Variants in UNC79 observed in about 807,000 individuals in gnomAD.
The protein encoded by UNC79 is protein unc-79 homolog.
UNC79 carries 37 observed loss-of-function variants against 283.1 expected under a neutral mutation model. The observed-to-expected ratio is 0.13, with a 90% CI of 0.10 to 0.17. UNC79 has a LOEUF of 0.17. UNC79 is among the 10% of genes least tolerant of loss of function. The pLI is 1.00. For synonymous variants in UNC79, 1,107 were observed against 1,200.2 expected, an observed-to-expected ratio of 0.92 and a Z score of 1.61; for missense variants, 2,272 against 3,211.1, an observed-to-expected ratio of 0.71 and a Z score of 7.07.
chr14:93,353,464 G>A (rs74072837), intron 1 of UNC79, among the ~76,000 whole-genome samples: 5,004 of 152,262 alleles, frequency 0.033, 285 homozygotes, highest in African/African-American at 0.11. Context: ...GAGTTTGATA[G>A]TTCTTTCTTA....
At chr14:93,645,133 G>A (rs942975193) in intron 34 of UNC79, among the ~76,000 whole-genome samples, 4 of 152,124 alleles carry the variant, frequency 2.6e-5, no homozygotes, top group Non-Finnish European at 5.9e-5. Flanking sequence ...TAGAATTATT[G>A]TTCTGGTCTG....
chr14:93,570,177 G>T (rs1461847815), intron 14 of UNC79, among the ~76,000 whole-genome samples: 1 of 152,072 alleles, frequency 6.6e-6, no homozygotes, highest in Non-Finnish European at 1.5e-5. Context: ...TTGAACTCCT[G>T]GCCTCAGGCG....
intron 30 of UNC79, among the ~76,000 whole-genome samples, chr14:93,626,264 T>C (rs1345396448): frequency 6.6e-6 from 1 of 152,178 alleles, no homozygotes; most frequent in Non-Finnish European, 1.5e-5. Flanking sequence ...CACAGCCTCC[T>C]ATCACCTTAT....
At chr14:93,477,998 T>A (rs538860851) in intron 4 of UNC79, among the ~76,000 whole-genome samples, 1 of 152,218 alleles carries the variant, frequency 6.6e-6, no homozygotes, top group African/African-American at 2.4e-5. Context: ...AGATTTCCTA[T>A]GTATAAGTTA....
At chr14:93,396,110 T>C (rs1022766643) in intron 1 of UNC79, among the ~76,000 whole-genome samples, 1 of 152,158 alleles carries the variant, frequency 6.6e-6, no homozygotes, top group African/African-American at 2.4e-5. Flanking sequence ...CTAGACACTC[T>C]CAATCGACCT....
At chr14:93,486,678 A>G (rs1007917701) in intron 4 of UNC79, among the ~76,000 whole-genome samples, 1 of 151,278 alleles carries the variant, frequency 6.6e-6, no homozygotes, top group Admixed American at 6.6e-5. Flanking sequence ...AAAAAAAAAA[A>G]GAAAGAAAGT....
At chr14:93,575,312 A>G in intron 17 of UNC79, 114 bp downstream of exon 17, 1 of 1,314,018 alleles carries the variant, frequency 7.6e-7, no homozygotes, top group African/African-American at 1.5e-5. Context: ...TTTTCAGCCC[A>G]TCTCGCTGTG....
Position 93,386,927 on chromosome 14 carries a change from C to CTTTTT in UNC79, c.-351+53432_-351+53436dup, listed in dbSNP as rs35267402. Among the ~76,000 whole-genome samples, 27 of 27,192 alleles carry CTTTTT rather than the reference C, an allele frequency of 9.9e-4. 4 individuals are homozygous for CTTTTT. The highest frequency in any genetic ancestry group is 1.3e-3 in the Non-Finnish European group (22 of 16,382). The allele number at this position is 27,192 out of a possible 152,430, so 17.8% of individuals were successfully genotyped here. On this transcript the variant is annotated intron_variant, in intron 1 of 49. Coordinates refer to the UNC79 transcript ENST00000256339. ...TTCATTTCAATTTCATGTATTTCTG[C>CTTTTT]TTTTTTTTTTTTTTTTTTTTTTTTT...
At chr14:93,385,036 T>C (rs1187092763) in intron 1 of UNC79, among the ~76,000 whole-genome samples, 6 of 152,258 alleles carry the variant, frequency 3.9e-5, no homozygotes. Context: ...ATTCCACTGG[T>C]CTACATGTCT....
intron 32 of UNC79, among the ~76,000 whole-genome samples, chr14:93,639,587 T>C (rs541787462): frequency 1.3e-5 from 2 of 152,372 alleles, no homozygotes; most frequent in East Asian, 1.9e-4. Flanking sequence ...ATATAGCTGA[T>C]AAACATAGTA....
chr14:93,475,646 T>C (rs757723251), intron 3 of UNC79, among the ~76,000 whole-genome samples: 5 of 152,190 alleles, frequency 3.3e-5, no homozygotes, highest in Non-Finnish European at 5.9e-5. Context: ...GAGCTTACTA[T>C]GCTGATGAGC....
chr14:93,450,683 A>G (rs537236668), intron 1 of UNC79, among the ~76,000 whole-genome samples: 2 of 152,258 alleles, frequency 1.3e-5, no homozygotes, highest in Non-Finnish European at 2.9e-5. Context: ...TAAGTACTAA[A>G]AAAATTTAAA....
intron 38 of UNC79, 128 bp from the exon 42 acceptor site, chr14:93,659,065 A>T (rs2071259234): frequency 1.6e-6 from 1 of 642,588 alleles, no homozygotes; most frequent in Non-Finnish European, 2.6e-6. Flanking sequence ...ATGGCATGGG[A>T]ATCTGTTGAG....
At chr14:93,661,852 C>A (rs1239276631) in intron 39 of UNC79, among the ~76,000 whole-genome samples, 1 of 152,172 alleles carries the variant, frequency 6.6e-6, no homozygotes, top group Non-Finnish European at 1.5e-5. Context: ...TATTCAAGGT[C>A]ACAGTGAGCT....
intron 7 of UNC79, among the ~76,000 whole-genome samples, chr14:93,512,481 G>A (rs66467466): frequency 6.6e-6 from 1 of 151,826 alleles, no homozygotes; most frequent in Non-Finnish European, 1.5e-5. Flanking sequence ...TATTTATTCT[G>A]CCATTTCTGT....
chr14:93,455,752 T>G (rs935664487), intron 1 of UNC79, among the ~76,000 whole-genome samples: 2 of 152,196 alleles, frequency 1.3e-5, no homozygotes, highest in East Asian at 3.8e-4. Context: ...GAGATAGATA[T>G]GATTACCCCC....
intron 29 of UNC79, among the ~76,000 whole-genome samples, chr14:93,619,540 C>G (rs187023975): frequency 1.2e-3 from 178 of 152,230 alleles, no homozygotes; most frequent in Middle Eastern, 3.4e-3. Flanking sequence ...TTGCGTTTCC[C>G]CAGAAACATG....
intron 7 of UNC79, among the ~76,000 whole-genome samples, chr14:93,520,806 A>T (rs529813320): frequency 6.6e-6 from 1 of 152,102 alleles, no homozygotes; most frequent in South Asian, 2.1e-4. Context: ...GCCTATCTTC[A>T]TGCTTTCCTT....
intron 39 of UNC79, among the ~76,000 whole-genome samples, chr14:93,660,572 T>TGTGTGTGTGA (rs2071483850): frequency 7.8e-6 from 1 of 128,294 alleles, no homozygotes; most frequent in Non-Finnish European, 1.6e-5. Context: ...TATGTGTGTG[T>TGTGTGTGTGA]GTGTGTGTTC....
Sources: allele counts gnomAD v4.1 joint callset (sites outside exome capture counted in the v4.1 genomes callset), GRCh38; gene constraint gnomAD v4.1.1; transcripts MANE v1.5; gene names NCBI Gene and HGNC (gene_info 2026-07-23, HGNC 2026-07-21).